The following INPP4B variants were observed in gnomAD, a reference collection of about 807,000 sequenced individuals.
The protein encoded by INPP4B is inositol polyphosphate 4-phosphatase type II.
In INPP4B, 55 loss-of-function variants were observed where a neutral mutation model predicts 122.5. The ratio of observed to expected loss-of-function variants is 0.45; its 90% confidence interval spans 0.36 to 0.56. INPP4B has a LOEUF of 0.56. INPP4B is among the 20% of genes least tolerant of loss of function. The pLI, the probability that INPP4B is intolerant of heterozygous loss-of-function variation, is 0.00. For synonymous variants in INPP4B, 403 were observed against 388.7 expected, an observed-to-expected ratio of 1.04 and a Z score of -0.43; for missense variants, 1,000 against 1,097.7, an observed-to-expected ratio of 0.91 and a Z score of 1.26.
At chr4:142,288,199 A>G (rs1344060680) in intron 9 of INPP4B, among the ~76,000 whole-genome samples, 1 of 152,240 alleles carries the variant, frequency 6.6e-6, no homozygotes, top group Admixed American at 6.5e-5. Flanking sequence ...TTGCCAGAAT[A>G]TGATTTAATA....
chr4:142,143,845 C>T (rs1305693946), intron 18 of INPP4B, among the ~76,000 whole-genome samples: 1 of 151,872 alleles, frequency 6.6e-6, no homozygotes, highest in Non-Finnish European at 1.5e-5. Context: ...CATTATAATA[C>T]GCGTTCTGGA....
chr4:142,343,352 T>G (rs1779275172), intron 7 of INPP4B, among the ~76,000 whole-genome samples: 1 of 152,076 alleles, frequency 6.6e-6, no homozygotes, highest in African/African-American at 2.4e-5. Flanking sequence ...GGGTGGATTT[T>G]GTATACTGTA....
At chr4:142,083,847 A>G (rs1456769676) in intron 24 of INPP4B, among the ~76,000 whole-genome samples, 1 of 152,062 alleles carries the variant, frequency 6.6e-6, no homozygotes, top group Non-Finnish European at 1.5e-5. Context: ...ATAGACCATA[A>G]TGGCTATTTA....
intron 25 of INPP4B, among the ~76,000 whole-genome samples, chr4:142,042,043 C>G (rs1216597944): frequency 6.6e-6 from 1 of 152,194 alleles, no homozygotes; most frequent in Non-Finnish European, 1.5e-5. Flanking sequence ...TTTGTATTCT[C>G]TATACTCCAT....
At chr4:142,540,609 T>C (rs148417357) in intron 2 of INPP4B, among the ~76,000 whole-genome samples, 66 of 152,324 alleles carry the variant, frequency 4.3e-4, no homozygotes, top group African/African-American at 1.4e-3. Context: ...TGAGGCAGTC[T>C]GTGTGTCTAC....
At chr4:142,299,511 T>C (rs1760428803) in intron 9 of INPP4B, among the ~76,000 whole-genome samples, 1 of 150,444 alleles carries the variant, frequency 6.6e-6, no homozygotes, top group Middle Eastern at 3.4e-3. Flanking sequence ...TTAGGTCTTA[T>C]GAAGTTTTTA....
At chr4:142,176,992 T>G (rs1412321678) in intron 15 of INPP4B, among the ~76,000 whole-genome samples, 1 of 152,146 alleles carries the variant, frequency 6.6e-6, no homozygotes, top group Non-Finnish European at 1.5e-5. Flanking sequence ...CCTAACCTTT[T>G]TCATCATGAT....
chr4:142,793,785 G>A (rs1261370145), intron 1 of INPP4B, among the ~76,000 whole-genome samples: 1 of 151,798 alleles, frequency 6.6e-6, no homozygotes, highest in African/African-American at 2.4e-5. Context: ...GTCAGAAAAT[G>A]TAATAAAGAT....
chr4:142,480,107 T>G (rs1162941565), intron 2 of INPP4B, among the ~76,000 whole-genome samples: 1 of 152,148 alleles, frequency 6.6e-6, no homozygotes, highest in Non-Finnish European at 1.5e-5. Context: ...CAGATCTACA[T>G]GTGCCAAATA....
intron 12 of INPP4B, among the ~76,000 whole-genome samples, chr4:142,235,292 A>G (rs1463563368): frequency 6.6e-6 from 1 of 151,800 alleles, no homozygotes; most frequent in Non-Finnish European, 1.5e-5. Context: ...TTAATGATCC[A>G]TCAACTAAGA....
intron 10 of INPP4B, among the ~76,000 whole-genome samples, chr4:142,266,620 C>A (rs2150490535): frequency 6.6e-6 from 1 of 152,108 alleles, no homozygotes; most frequent in Non-Finnish European, 1.5e-5. Flanking sequence ...TTTTAATGTT[C>A]ATTTATAAAG....
chr4:142,246,024 G>GTA (rs1728354778), intron 11 of INPP4B, among the ~76,000 whole-genome samples: 1 of 136,754 alleles, frequency 7.3e-6, no homozygotes, highest in African/African-American at 2.9e-5. Context: ...ATGTGTGTAT[G>GTA]TACACACACG....
Position 142,539,177 on chromosome 4 carries a change from C to A in INPP4B, c.-190-76451G>T, listed in dbSNP as rs191364280. ...ATAAAATATATATATATATATACTGCCAGATACCTGAGTGTCTGAGAAAGT... is the reference window on the plus strand; with the variant it reads ...ATAAAATATATATATATATATACTGACAGATACCTGAGTGTCTGAGAAAGT... On this transcript the variant is annotated intron_variant, in intron 2 of 25. Coordinates refer to ENST00000262992, the MANE Select transcript of INPP4B (RefSeq NM_001101669.3). Among the ~76,000 whole-genome samples the A allele has an allele frequency of 4.6e-4, 69 of 149,634 alleles. 1 individual carries two copies. Among genetic ancestry groups the A allele is most frequent in the Middle Eastern group, 3.5e-3 (1 of 284 alleles).
At chr4:142,433,461 G>A (rs992312501) in intron 3 of INPP4B, among the ~76,000 whole-genome samples, 8 of 152,082 alleles carry the variant, frequency 5.3e-5, no homozygotes, top group Admixed American at 6.6e-5. Flanking sequence ...CTCCCCCAGG[G>A]ACAAAAGATG....
intron 2 of INPP4B, among the ~76,000 whole-genome samples, chr4:142,552,848 G>A (rs939020503): frequency 3.3e-5 from 5 of 152,100 alleles, no homozygotes; most frequent in Non-Finnish European, 7.4e-5. Flanking sequence ...CTACAGCTTT[G>A]GACAGACATT....
chr4:142,290,049 A>G (rs79650119), intron 9 of INPP4B, among the ~76,000 whole-genome samples: 1 of 151,926 alleles, frequency 6.6e-6, no homozygotes, highest in Non-Finnish European at 1.5e-5. Context: ...TTCTGATCCC[A>G]ACACAGCATA....
intron 24 of INPP4B, 125 bp from the exon 25 acceptor site, chr4:142,082,310 G>T: frequency 1.4e-6 from 1 of 730,292 alleles, no homozygotes; most frequent in Non-Finnish European, 2.1e-6. Context: ...GTTTATGATA[G>T]TCAATTTGTT....
intron 2 of INPP4B, among the ~76,000 whole-genome samples, chr4:142,495,974 A>T (rs1174135381): frequency 6.6e-6 from 1 of 151,992 alleles, no homozygotes; most frequent in African/African-American, 2.4e-5. Flanking sequence ...CAACTTCTGA[A>T]ATGTTTTCGC....
intron 1 of INPP4B, among the ~76,000 whole-genome samples, chr4:142,806,835 GAAAGA>G (rs1360482265): frequency 1.4e-5 from 2 of 148,032 alleles, no homozygotes; most frequent in African/African-American, 5.0e-5. Context: ...AAGAAAGAAA[GAAAGA>G]AAGAAAGAAA....
Sources: gnomAD v4.1 joint callset for allele counts (sites outside exome capture counted in the v4.1 genomes callset) on GRCh38, gnomAD v4.1.1 for gene constraint, MANE v1.5 for transcripts, NCBI Gene and HGNC (gene_info 2026-07-23, HGNC 2026-07-21) for gene names.